BMPR2: variants seen among roughly 807,000 people sequenced by gnomAD.
BMPR2 encodes bone morphogenetic protein receptor type 2.
A neutral mutation model predicts 100.8 loss-of-function variants in BMPR2; 29 were observed. The observed-to-expected ratio is 0.29, with a 90% CI of 0.21 to 0.39. The LOEUF (loss-of-function observed/expected upper bound fraction) is 0.39, where lower values mean the gene tolerates loss of function less well. Among genes scored for constraint, BMPR2 ranks in the 10% least tolerant of loss-of-function variants. The probability of loss-of-function intolerance (pLI) is 1.00; values close to 1 mark genes in which losing one functional copy is unlikely to be tolerated. For missense variants in BMPR2, 1,011 were observed against 1,274.5 expected (o/e 0.79, Z 3.15); for synonymous variants, 382 against 442.3 (o/e 0.86, Z 1.71).
chr2:202,391,148 G>A (rs1043152707), intron 1 of BMPR2, among the ~76,000 whole-genome samples: 4 of 151,432 alleles, frequency 2.6e-5, no homozygotes, highest in African/African-American at 9.7e-5. Flanking sequence ...AGCTAATTTT[G>A]TATTTTTAGT....
intron 9 of BMPR2, 80 bp from the exon 10 acceptor site, chr2:202,542,231 G>T: frequency 1.3e-6 from 2 of 1,533,170 alleles, no homozygotes; most frequent in South Asian, 1.2e-5. Flanking sequence ...TGCTTACTTG[G>T]TATCAGAAAT....
intron 3 of BMPR2, chr2:202,505,021 T>C: frequency 5.8e-6 from 1 of 173,844 alleles, no homozygotes; most frequent in Non-Finnish European, 1.2e-5. Context: ...AAATGCATTG[T>C]GCTAGTTGGA....
chr2:202,510,349 G>A (rs536721093), intron 3 of BMPR2, among the ~76,000 whole-genome samples: 6 of 152,268 alleles, frequency 3.9e-5, no homozygotes, highest in Admixed American at 1.3e-4. Flanking sequence ...CCCAGGTGGC[G>A]GAGGTTGCAG....
chr2:202,394,269 TG>T lies in BMPR2; in HGVS notation c.76+16720del, dbSNP rs1419950087. On this transcript the variant is annotated intron_variant, in intron 1 of 12. Coordinates refer to ENST00000374580, the MANE Select transcript of BMPR2 (RefSeq NM_001204.7). ...TGGAGGCTGAGGCAGGAGAATTGCT[TG>T]AACCCGGAAGGCGGAGGTTGCAGTG... Among the ~76,000 whole-genome samples, 6 of 152,054 alleles carry T rather than the reference TG, an allele frequency of 3.9e-5. No homozygotes were observed. The East Asian group carries it at 1.2e-3, about 29-fold the overall frequency.
At chr2:202,395,212 T>G (rs570142186) in intron 1 of BMPR2, among the ~76,000 whole-genome samples, 1 of 152,304 alleles carries the variant, frequency 6.6e-6, no homozygotes, top group South Asian at 2.1e-4. Flanking sequence ...TTTCCTCTCA[T>G]GACTTCTTCA....
At chr2:202,474,959 G>A (rs1692514125) in intron 3 of BMPR2, 1 of 151,872 alleles carries the variant, frequency 6.6e-6, no homozygotes, top group Non-Finnish European at 1.5e-5. Context: ...AAGTAGCAAG[G>A]AAAAAAATAA....
intron 9 of BMPR2, among the ~76,000 whole-genome samples, chr2:202,536,331 C>G (rs1490378068): frequency 1.3e-5 from 2 of 151,852 alleles, no homozygotes; most frequent in Non-Finnish European, 2.9e-5. Context: ...TCAGGCTGGT[C>G]TCAAACTCCT....
In BMPR2 at chr2:202,555,608, C is replaced by A; in HGVS notation, c.1943C>A (p.Ser648Ter). Residue 648 changes from serine to a stop codon, truncating the protein, a stop_gained, in exon 12 of 13, where the codon TCA becomes TAA. Coordinates refer to ENST00000374580, the MANE Select transcript of BMPR2 (RefSeq NM_001204.7). LOFTEE classifies it high-confidence loss of function. ...TNLHTTNVAQSIGPTPVCLQL... is the reference protein window; with the variant it reads ...TNLHTTNVAQ ...CTGCATACCACAAATGTTGCACAGT[C>A]AATTGGGCCAACCCCTGTCTGCTTA... is the stretch of plus-strand genomic sequence containing the variant. 1 of 1,614,088 alleles carries A rather than the reference C, an allele frequency of 6.2e-7. No homozygotes were observed. The highest frequency in any genetic ancestry group is 1.1e-5 in the South Asian group (1 of 91,064).
chr2:202,448,312 A>G (rs892884547), intron 1 of BMPR2, among the ~76,000 whole-genome samples: 2 of 150,756 alleles, frequency 1.3e-5, no homozygotes, highest in South Asian at 2.1e-4. Context: ...TTAGCCGGGC[A>G]TGGTGGCTGG....
intron 1 of BMPR2, among the ~76,000 whole-genome samples, chr2:202,434,908 A>AAAAAATATATATATATAT (rs1559037398): frequency 2.6e-5 from 1 of 38,414 alleles, no homozygotes; most frequent in Non-Finnish European, 4.4e-5. Flanking sequence ...AAAAAAAAAA[A>AAAAAATATATATATATAT]ATATATATAT....
intron 1 of BMPR2, among the ~76,000 whole-genome samples, chr2:202,439,615 A>G (rs1225111797): frequency 6.7e-6 from 1 of 149,552 alleles, no homozygotes; most frequent in East Asian, 1.9e-4. Context: ...TTCCCTGGCT[A>G]GGGGAATCTC....
rs553527326 is a variant in BMPR2 at position 202,564,398 on chromosome 2, G to A, written c.*4452G>A. ...TTAAAGTTAAAATCCGGACACACAT[G>A]TTGATTATCTAGACCAGTCATTCTG... On this transcript the variant is annotated 3_prime_UTR_variant, in exon 13 of 13. Coordinates refer to ENST00000374580, the MANE Select transcript of BMPR2 (RefSeq NM_001204.7). The A allele has an allele frequency of 6.6e-6, 1 of 152,220 alleles. No homozygotes were observed. The highest frequency in any genetic ancestry group is 2.4e-5 in the African/African-American group (1 of 41,536). The allele number at this position is 152,220 out of a possible 1,614,324, so 9.4% of individuals were successfully genotyped here.
chr2:202,523,234 G>A (rs576225156), intron 7 of BMPR2, among the ~76,000 whole-genome samples: 125 of 152,232 alleles, frequency 8.2e-4, no homozygotes, highest in Non-Finnish European at 1.5e-3. Flanking sequence ...AAAAAACAAC[G>A]GATGCTGTTG....
rs796285131 is a variant in BMPR2 at position 202,439,083 on chromosome 2, T to TA, written c.77-25725dup. Among the ~76,000 whole-genome samples, 37 of 150,558 alleles carry TA rather than the reference T, an allele frequency of 2.5e-4. 4 individuals carry two copies. The highest frequency in any genetic ancestry group is 9.3e-4 in the African/African-American group (37 of 39,956). On this transcript the variant is annotated intron_variant, in intron 1 of 12. Transcript: ENST00000374580. ...TGACATCTTAATAAATATTAAGTCT[T>TA]ATAATCAGTGAGCATGGGATGTCTC...
chr2:202,506,846 G>C (rs1687528370), intron 3 of BMPR2, among the ~76,000 whole-genome samples: 1 of 152,012 alleles, frequency 6.6e-6, no homozygotes, highest in Non-Finnish European at 1.5e-5. Context: ...GTTGCAGTGA[G>C]CTGAGATCGC....
chr2:202,389,486 C>T (rs1158083542), intron 1 of BMPR2, among the ~76,000 whole-genome samples: 3 of 141,628 alleles, frequency 2.1e-5, no homozygotes, highest in Non-Finnish European at 4.5e-5. Flanking sequence ...GAGATTGCGC[C>T]ACTGCCCTCC....
At chr2:202,491,626 A>G (rs1692904747) in intron 3 of BMPR2, among the ~76,000 whole-genome samples, 1 of 151,772 alleles carries the variant, frequency 6.6e-6, no homozygotes, top group African/African-American at 2.4e-5. Context: ...GTTTCATGAT[A>G]TTGGTCAGGT....
intron 3 of BMPR2, among the ~76,000 whole-genome samples, chr2:202,489,526 G>GA (rs1455985588): frequency 6.6e-6 from 1 of 152,202 alleles, no homozygotes; most frequent in Non-Finnish European, 1.5e-5. Flanking sequence ...GCTGAAGATA[G>GA]AAGTAGATTT....
chr2:202,407,788 C>A (rs907795184), intron 1 of BMPR2, among the ~76,000 whole-genome samples: 15 of 151,810 alleles, frequency 9.9e-5, no homozygotes, highest in African/African-American at 3.4e-4. Context: ...TGTATTTATA[C>A]TTTATTCTGC....
Sources: gnomAD v4.1 joint callset for allele counts (sites outside exome capture counted in the v4.1 genomes callset) on GRCh38, gnomAD v4.1.1 for gene constraint, MANE v1.5 for transcripts, NCBI Gene and HGNC (gene_info 2026-07-23, HGNC 2026-07-21) for gene names.